Variants in MICU1 observed in about 807,000 individuals in gnomAD.
MICU1 encodes the protein mitochondrial calcium uptake 1.
Under a neutral mutation model 56.8 loss-of-function variants are expected in MICU1, and 45 were observed. That is an observed-to-expected ratio of 0.79 (90% confidence interval 0.62 to 1.02). MICU1 has a LOEUF of 1.02. Ranked by LOEUF, MICU1 falls within the 50% of genes least tolerant of loss-of-function variation. MICU1 has a pLI of 0.00. For missense variants in MICU1, 504 were observed against 587.1 expected (o/e 0.86, Z 1.46); for synonymous variants, 186 against 195.1 (o/e 0.95, Z 0.39).
At chr10:72,592,321 C>T in intron 1 of MICU1, among the ~76,000 whole-genome samples, 1 of 150,512 alleles carries the variant, frequency 6.6e-6, no homozygotes, top group South Asian at 2.1e-4. Context: ...GACCCTGTTT[C>T]AAGGAAAAAA....
intron 1 of MICU1, among the ~76,000 whole-genome samples, chr10:72,610,916 G>C (rs1202636156): frequency 6.6e-6 from 1 of 152,046 alleles, no homozygotes; most frequent in Non-Finnish European, 1.5e-5. Context: ...AGGAAAAACT[G>C]TAATAAATAT....
At chr10:72,567,084 C>T (rs1294490626) in intron 1 of MICU1, among the ~76,000 whole-genome samples, 1 of 152,128 alleles carries the variant, frequency 6.6e-6, no homozygotes, top group Non-Finnish European at 1.5e-5. Context: ...GTATGTGGCT[C>T]ATGCCTGTAA....
intron 1 of MICU1, among the ~76,000 whole-genome samples, chr10:72,608,895 G>A (rs1841764440): frequency 6.6e-6 from 1 of 152,182 alleles, no homozygotes; most frequent in South Asian, 2.1e-4. Flanking sequence ...CCTCACTCCT[G>A]TTTTCTATCA....
chr10:72,508,965 T>C (rs1260503077), intron 5 of MICU1, among the ~76,000 whole-genome samples: 1 of 152,182 alleles, frequency 6.6e-6, no homozygotes, highest in Non-Finnish European at 1.5e-5. Flanking sequence ...TCTAAATATA[T>C]ATTTCTCTTC....
chr10:72,391,666 C>A (rs941312619), intron 10 of MICU1, among the ~76,000 whole-genome samples: 4 of 150,948 alleles, frequency 2.6e-5, no homozygotes, highest in African/African-American at 9.7e-5. Flanking sequence ...ATTTTTTTTT[C>A]AATAAATTAC....
rs7088242 is a variant in MICU1 at position 72,536,223 on chromosome 10, T to C, written c.494-2434A>G. Among the ~76,000 whole-genome samples the C allele has an allele frequency of 8.2e-3, 1,242 of 152,250 alleles. 15 individuals carry two copies. Among genetic ancestry groups the C allele is most frequent in the African/African-American group, 0.028 (1,171 of 41,558 alleles). On this transcript the variant is annotated intron_variant, in intron 4 of 11. Transcript: ENST00000361114. ...GGCACTGACACAAAGAAATGACAAA[T>C]GTTTGATGGTGATATGCTAATTACC...
chr10:72,466,925 T>C (rs566284017), intron 8 of MICU1, among the ~76,000 whole-genome samples: 1 of 152,214 alleles, frequency 6.6e-6, no homozygotes, highest in South Asian at 2.1e-4. Flanking sequence ...TTTTAATCAT[T>C]TAGTTGTAGT....
intron 1 of MICU1, chr10:72,582,909 G>A (rs1008494586): frequency 1.3e-5 from 2 of 151,850 alleles, no homozygotes; most frequent in African/African-American, 4.8e-5. Flanking sequence ...CATGACCATC[G>A]AGTGTCCACA....
intron 1 of MICU1, among the ~76,000 whole-genome samples, chr10:72,587,464 CAAAAAAAAA>C (rs35303837): frequency 2.2e-5 from 2 of 92,868 alleles, no homozygotes; most frequent in African/African-American, 4.3e-5. Context: ...CAGCATGTCT[CAAAAAAAAA>C]AAAAAAAAAA....
chr10:72,389,331 A>C (rs946842297), intron 10 of MICU1, among the ~76,000 whole-genome samples: 1 of 152,216 alleles, frequency 6.6e-6, no homozygotes, highest in African/African-American at 2.4e-5. Flanking sequence ...TGAAAGCTGC[A>C]AAGGTTCTCA....
intron 5 of MICU1, among the ~76,000 whole-genome samples, chr10:72,512,097 G>GTTTTTTTTTTT (rs1867471926): frequency 3.0e-5 from 3 of 100,690 alleles, no homozygotes; most frequent in African/African-American, 1.2e-4. Flanking sequence ...TCCATACACA[G>GTTTTTTTTTTT]TTGTTTTTTG....
chr10:72,624,466 C>T (rs1200617088), intron 1 of MICU1, among the ~76,000 whole-genome samples: 1 of 152,200 alleles, frequency 6.6e-6, no homozygotes, highest in African/African-American at 2.4e-5. Context: ...GCCTGAGACA[C>T]CACACCCAGC....
intron 7 of MICU1, 31 bp from the exon 8 acceptor site, chr10:72,475,328 A>G (rs1392494834): frequency 6.5e-7 from 1 of 1,531,948 alleles, no homozygotes; most frequent in Admixed American, 2.1e-5. Flanking sequence ...CATCCAGAAA[A>G]ATATTAGGAA....
intron 1 of MICU1, among the ~76,000 whole-genome samples, chr10:72,615,764 G>A (rs936043007): frequency 6.6e-5 from 10 of 152,108 alleles, no homozygotes; most frequent in Non-Finnish European, 1.5e-4. Context: ...GCCGAGGAGG[G>A]TGGATCACAA....
intron 9 of MICU1, among the ~76,000 whole-genome samples, chr10:72,420,558 A>G (rs1434035487): frequency 6.6e-6 from 1 of 152,156 alleles, no homozygotes; most frequent in Non-Finnish European, 1.5e-5. Flanking sequence ...ATTCTTGGTC[A>G]TGGTCAGATG....
intron 8 of MICU1, among the ~76,000 whole-genome samples, chr10:72,434,833 T>C (rs1417139780): frequency 6.6e-6 from 1 of 152,194 alleles, no homozygotes; most frequent in Non-Finnish European, 1.5e-5. Flanking sequence ...CCTTTTGTCC[T>C]AGCATTGCTG....
At chr10:72,382,008 T>TCACAC in intron 10 of MICU1, among the ~76,000 whole-genome samples, 1 of 88,808 alleles carries the variant, frequency 1.1e-5, no homozygotes, top group East Asian at 2.3e-4. Flanking sequence ...ACACACACAT[T>TCACAC]AAGATGGAGA....
chr10:72,480,789 G>A (rs977527208), intron 6 of MICU1, among the ~76,000 whole-genome samples: 4 of 152,200 alleles, frequency 2.6e-5, no homozygotes, highest in African/African-American at 9.6e-5. Flanking sequence ...TAGTCTTACT[G>A]TCTTGTGAGT....
At chr10:72,479,244 C>T (rs144571888) in intron 6 of MICU1, among the ~76,000 whole-genome samples, 1 of 152,290 alleles carries the variant, frequency 6.6e-6, no homozygotes, top group African/African-American at 2.4e-5. Context: ...GACTCCAAAG[C>T]CTACAAACTT....
Sources: allele counts gnomAD v4.1 joint callset (sites outside exome capture counted in the v4.1 genomes callset), GRCh38; gene constraint gnomAD v4.1.1; transcripts MANE v1.5; gene names NCBI Gene and HGNC (gene_info 2026-07-23, HGNC 2026-07-21).